The following MLLT10 variants were observed in gnomAD, a reference collection of about 807,000 sequenced individuals.
MLLT10 encodes the protein protein AF-10.
MLLT10 carries 30 observed loss-of-function variants against 129.1 expected under a neutral mutation model. The observed-to-expected ratio is 0.23, with a 90% CI of 0.17 to 0.32. The LOEUF is 0.32. Ranked by LOEUF, MLLT10 falls within the 10% of genes least tolerant of loss-of-function variation. The pLI, the probability that MLLT10 is intolerant of heterozygous loss-of-function variation, is 1.00. For missense variants in MLLT10, 1,119 were observed against 1,268.3 expected, an observed-to-expected ratio of 0.88 and a Z score of 1.79; for synonymous variants, 490 against 446.4, an observed-to-expected ratio of 1.10 and a Z score of -1.23.
chr10:21,570,212 TTGTGTGTGTG>T (rs528760884), intron 3 of MLLT10, among the ~76,000 whole-genome samples: 12 of 147,854 alleles, frequency 8.1e-5, no homozygotes, highest in South Asian at 2.2e-4. Flanking sequence ...CCAGGCCAAT[TTGTGTGTGTG>T]TGTGTGTGTG....
At chr10:21,732,760 A>C (rs1387927380) in intron 17 of MLLT10, 139 bp from the exon 18 acceptor site, 1 of 703,216 alleles carries the variant, frequency 1.4e-6, no homozygotes, top group East Asian at 3.1e-5. Flanking sequence ...TTTAGGAACA[A>C]AACTTTATCA....
chr10:21,537,467 C>CT (rs1399124288), intron 2 of MLLT10, among the ~76,000 whole-genome samples: 1 of 151,610 alleles, frequency 6.6e-6, no homozygotes, highest in African/African-American at 2.4e-5. Context: ...TGGCTAATTT[C>CT]TTTTTTTCTT....
At chr10:21,681,765 C>T (rs1219468676) in intron 12 of MLLT10, among the ~76,000 whole-genome samples, 1 of 151,856 alleles carries the variant, frequency 6.6e-6, no homozygotes, top group Non-Finnish European at 1.5e-5. Flanking sequence ...TTGAGGCTTT[C>T]TTATACTGAA....
intron 5 of MLLT10, 145 bp from the exon 6 acceptor site, chr10:21,612,203 T>C (rs958759574): frequency 3.8e-6 from 2 of 526,244 alleles, no homozygotes; most frequent in African/African-American, 3.8e-5. Flanking sequence ...ATGCAAAAAT[T>C]AGATTATTGT....
chr10:21,593,099 A>ATTT (rs34081128), intron 4 of MLLT10, among the ~76,000 whole-genome samples: 11 of 146,066 alleles, frequency 7.5e-5, no homozygotes, highest in African/African-American at 2.0e-4. Context: ...CCACCCATTG[A>ATTT]TTTTTTTTTT....
At chr10:21,642,099 C>T (rs972976348) in intron 8 of MLLT10, among the ~76,000 whole-genome samples, 2 of 152,210 alleles carry the variant, frequency 1.3e-5, no homozygotes, top group African/African-American at 4.8e-5. Flanking sequence ...GCCTGTAATC[C>T]CAGCACTTTG....
chr10:21,692,244 A>C (rs2053928382), intron 13 of MLLT10, among the ~76,000 whole-genome samples: 1 of 151,954 alleles, frequency 6.6e-6, no homozygotes, highest in Admixed American at 6.6e-5. Context: ...AAAATATGAA[A>C]AGACTAGACA....
intron 4 of MLLT10, among the ~76,000 whole-genome samples, chr10:21,593,824 G>A (rs2042742564): frequency 2.0e-5 from 3 of 150,728 alleles, no homozygotes; most frequent in Admixed American, 1.3e-4. Context: ...CTACTTGGGA[G>A]GCTGAGGCAG....
At chr10:21,557,635 G>A (rs1230202209) in intron 3 of MLLT10, 1 of 152,056 alleles carries the variant, frequency 6.6e-6, no homozygotes, top group African/African-American at 2.4e-5. Flanking sequence ...TACTTCATGA[G>A]GCTGGAACCA....
At chr10:21,653,344 C>G (rs2049242423) in intron 9 of MLLT10, among the ~76,000 whole-genome samples, 1 of 152,164 alleles carries the variant, frequency 6.6e-6, no homozygotes, top group Admixed American at 6.6e-5. Flanking sequence ...GGTTGTAGGA[C>G]TGAGGTGCCC....
chr10:21,642,214 G>A (rs751375647), intron 8 of MLLT10, among the ~76,000 whole-genome samples: 15 of 152,076 alleles, frequency 9.9e-5, no homozygotes, highest in East Asian at 1.9e-4. Flanking sequence ...TTAGCCAGAC[G>A]TGGTGGCGGA....
intron 5 of MLLT10, among the ~76,000 whole-genome samples, chr10:21,608,896 C>T (rs1477451447): frequency 1.3e-5 from 2 of 152,082 alleles, no homozygotes; most frequent in Non-Finnish European, 2.9e-5. Flanking sequence ...TCTTACTGCT[C>T]CTTTTTCCTG....
intron 2 of MLLT10, among the ~76,000 whole-genome samples, chr10:21,538,558 C>T (rs545402129): frequency 2.4e-4 from 37 of 152,012 alleles, no homozygotes; most frequent in Non-Finnish European, 5.0e-4. Flanking sequence ...CCTCCCAACT[C>T]GACCTCCCAA....
At chr10:21,730,163 G>A (rs992709178) in intron 16 of MLLT10, among the ~76,000 whole-genome samples, 5 of 151,824 alleles carry the variant, frequency 3.3e-5, no homozygotes, top group Non-Finnish European at 5.9e-5. Flanking sequence ...GTGGTAGTGT[G>A]TGCTCTTGTG....
chr10:21,629,938 G>T (rs2046846687), intron 8 of MLLT10, among the ~76,000 whole-genome samples: 1 of 152,138 alleles, frequency 6.6e-6, no homozygotes, highest in Non-Finnish European at 1.5e-5. Flanking sequence ...TTCTAGCCTT[G>T]ACAACAGAAT....
chr10:21,667,493 C>T (rs1347824799), intron 9 of MLLT10, among the ~76,000 whole-genome samples: 1 of 149,780 alleles, frequency 6.7e-6, no homozygotes, highest in African/African-American at 2.5e-5. Flanking sequence ...GTAAATTAGG[C>T]TACTTAAGGT....
intron 21 of MLLT10, among the ~76,000 whole-genome samples, chr10:21,736,059 A>AT (rs975762134): frequency 6.6e-6 from 1 of 151,946 alleles, no homozygotes; most frequent in African/African-American, 2.4e-5. Context: ...TTCATTCTCC[A>AT]TTTTTTTCAG....
intron 3 of MLLT10, among the ~76,000 whole-genome samples, chr10:21,544,167 T>TC (rs1156866936): frequency 6.6e-6 from 1 of 152,186 alleles, no homozygotes; most frequent in African/African-American, 2.4e-5. Context: ...TTTATGACAG[T>TC]CTGGGATGTG....
At chr10:21,725,594 G>A (rs1198782744) in intron 14 of MLLT10, among the ~76,000 whole-genome samples, 3 of 151,524 alleles carry the variant, frequency 2.0e-5, no homozygotes, top group Admixed American at 1.3e-4. Context: ...GGTGGCGGGC[G>A]CCTCCTGTAA....
Sources: allele counts gnomAD v4.1 joint callset (sites outside exome capture counted in the v4.1 genomes callset), GRCh38; gene constraint gnomAD v4.1.1; transcripts MANE v1.5; gene names NCBI Gene and HGNC (gene_info 2026-07-23, HGNC 2026-07-21).